Variants in ATG7 observed in about 807,000 individuals in gnomAD.
ATG7 encodes the protein autophagy related 7.
Under a neutral mutation model 82.4 loss-of-function variants are expected in ATG7, and 70 were observed. That is an observed-to-expected ratio of 0.85 (90% CI 0.70 to 1.04). The LOEUF is 1.04. Among genes scored for constraint, ATG7 ranks in the 50% least tolerant of loss-of-function variants. The probability of loss-of-function intolerance (pLI) is 0.00; values close to 1 mark genes in which losing one functional copy is unlikely to be tolerated. For synonymous variants in ATG7, 287 were observed against 313.0 expected, an observed-to-expected ratio of 0.92 and a Z score of 0.88; for missense variants, 792 against 864.3, an observed-to-expected ratio of 0.92 and a Z score of 1.05.
chr3:11,350,952 G>A (rs2606741), intron 14 of ATG7, among the ~76,000 whole-genome samples: 105,684 of 137,952 alleles, frequency 0.77, 40,933 homozygotes, highest in East Asian at 1. Flanking sequence ...AAAAAAAGCA[G>A]TGATCCAATC....
At chr3:11,477,178 C>G in intron 20 of ATG7, 1 of 1,289,494 alleles carries the variant, frequency 7.8e-7, no homozygotes, top group Non-Finnish European at 1.0e-6. Flanking sequence ...AGAGGCAGAA[C>G]ATAAACAAAT....
chr3:11,474,624 A>G (rs925523762), intron 20 of ATG7, among the ~76,000 whole-genome samples: 2 of 152,182 alleles, frequency 1.3e-5, no homozygotes, highest in African/African-American at 4.8e-5. Flanking sequence ...AGAAAGAAAG[A>G]AAACAGAGTG....
At chr3:11,425,734 A>G (rs1293741008) in intron 19 of ATG7, among the ~76,000 whole-genome samples, 4 of 152,224 alleles carry the variant, frequency 2.6e-5, no homozygotes, top group African/African-American at 7.2e-5. Flanking sequence ...TGAATTCTCA[A>G]GAAGTACACC....
At chr3:11,344,731 G>A (rs987136322) in intron 13 of ATG7, among the ~76,000 whole-genome samples, 4 of 152,104 alleles carry the variant, frequency 2.6e-5, no homozygotes, top group African/African-American at 9.7e-5. Flanking sequence ...TAGCCAGGCT[G>A]TAGTGGCGCG....
At chr3:11,432,340 A>G (rs938855375) in intron 20 of ATG7, among the ~76,000 whole-genome samples, 1 of 152,226 alleles carries the variant, frequency 6.6e-6, no homozygotes, top group African/African-American at 2.4e-5. Context: ...AAAAATTTTA[A>G]TGAGAAATGT....
chr3:11,527,071 G>GTGTA (rs1305045814), intron 20 of ATG7, among the ~76,000 whole-genome samples: 229 of 127,420 alleles, frequency 1.8e-3, no homozygotes, highest in African/African-American at 3.6e-3. Flanking sequence ...GTGTGTGTGT[G>GTGTA]TATATATATA....
At position 11,274,106 on chromosome 3, in the gene ATG7, T is replaced by C. The variant is rs73812420; in HGVS notation, c.-366+1676T>C. On this transcript the variant is annotated intron_variant, in intron 1 of 20. Coordinates refer to ENST00000693202, the MANE Select transcript of ATG7 (RefSeq NM_001349232.2). ...CTTGGCCAACTCCTTCCTGCCCTCA[T>C]GTGACATGATTTTGAAATCCTTTAA... 3.3e-3 allele frequency among the ~76,000 whole-genome samples: 509 copies of C among 152,262 alleles called. 2 individuals carry two copies. Among genetic ancestry groups the C allele is most frequent in the African/African-American group, 0.011 (443 of 41,562 alleles).
intron 20 of ATG7, among the ~76,000 whole-genome samples, chr3:11,520,811 TAAAG>T (rs1158338077): frequency 6.6e-5 from 10 of 152,138 alleles, no homozygotes; most frequent in African/African-American, 1.9e-4. Flanking sequence ...TTAATAATAA[TAAAG>T]AAAAAGTCAG....
the ATG7 span, among the ~76,000 whole-genome samples, chr3:11,566,422 C>T: frequency 6.6e-6 from 1 of 152,310 alleles, no homozygotes; most frequent in South Asian, 2.1e-4. Flanking sequence ...ATTCAGATTT[C>T]GTGTTTTGCT....
intron 18 of ATG7, 93 bp from the exon 19 acceptor site, chr3:11,379,875 TAATC>T: frequency 8.2e-7 from 1 of 1,213,452 alleles, no homozygotes; most frequent in Non-Finnish European, 1.2e-6. Context: ...GCCGCCATAT[TAATC>T]ATTTCCTACT....
chr3:11,502,966 GA>G (rs937455001), intron 20 of ATG7, among the ~76,000 whole-genome samples: 2 of 152,180 alleles, frequency 1.3e-5, no homozygotes, highest in African/African-American at 4.8e-5. Flanking sequence ...ACACCAGCCA[GA>G]GTTGAAAGTA....
At position 11,352,721 on chromosome 3, in the gene ATG7, G is replaced by A. The variant is rs549978539; in HGVS notation, c.1284+4686G>A. Among the ~76,000 whole-genome samples the A allele has an allele frequency of 3.7e-4, 56 of 152,340 alleles. No homozygotes were observed. The South Asian group carries it at 5.0e-3, about 14-fold the overall frequency. ...TTGAATTATAATTGAAATACTAAAT[G>A]CTAAAAGGGATAAGTAGACATTGCT... On this transcript the variant is annotated intron_variant, in intron 14 of 20. Transcript: ENST00000693202.
chr3:11,367,811 C>G (rs1310845215), intron 18 of ATG7, among the ~76,000 whole-genome samples: 1 of 148,714 alleles, frequency 6.7e-6, no homozygotes, highest in Non-Finnish European at 1.5e-5. Flanking sequence ...TTAGATTCTG[C>G]AAGCAGGCAG....
intron 20 of ATG7, among the ~76,000 whole-genome samples, chr3:11,461,968 T>G (rs2086350301): frequency 6.6e-6 from 1 of 151,812 alleles, no homozygotes; most frequent in Non-Finnish European, 1.5e-5. Flanking sequence ...GAGGCAGAGC[T>G]TGCAGTGAGC....
chr3:11,298,740 T>A lies in ATG7; in HGVS notation c.45T>A (p.Phe15Leu). ...ATCCTGGACTCTCTAAACTGCAGTTTGCCCCTTTTAGTAGTGCCTTGGATG... is the reference window on the plus strand; with the variant it reads ...ATCCTGGACTCTCTAAACTGCAGTTAGCCCCTTTTAGTAGTGCCTTGGATG... ...TGDPGLSKLQ[F>L]APFSSALDVG... Residue 15 changes from phenylalanine to leucine, a missense_variant, in exon 4 of 21, where the codon TTT becomes TTA. Coordinates refer to ENST00000693202, the MANE Select transcript of ATG7 (RefSeq NM_001349232.2). 1 of 1,614,242 alleles carries A rather than the reference T, an allele frequency of 6.2e-7. No individual in the cohort carries two copies. The highest frequency in any genetic ancestry group is 8.5e-7 in the Non-Finnish European group (1 of 1,180,040).
Position 11,275,073 on chromosome 3 carries a change from A to G in ATG7, c.-366+2643A>G, listed in dbSNP as rs1022233078. ...ATGAAGGCAGTGACAGTGGAGATGG[A>G]GAGGAGTGGGAGGAGTTGAGAGATT... On this transcript the variant is annotated intron_variant, in intron 1 of 20. Coordinates refer to ENST00000693202, the MANE Select transcript of ATG7 (RefSeq NM_001349232.2). Among the ~76,000 whole-genome samples the G allele has an allele frequency of 2.6e-5, 4 of 151,982 alleles. No individual in the cohort carries two copies. The South Asian group carries it at 8.3e-4, about 32-fold the overall frequency.
At chr3:11,444,132 A>G (rs2084286117) in intron 20 of ATG7, among the ~76,000 whole-genome samples, 1 of 152,140 alleles carries the variant, frequency 6.6e-6, no homozygotes, top group Middle Eastern at 3.2e-3. Context: ...AAGGTTACCC[A>G]TTTGCTGTGC....
At chr3:11,559,514 TG>T, downstream of ATG7, 1 of 1,483,014 alleles carries the variant, frequency 6.7e-7, no homozygotes, top group Admixed American at 2.3e-5. Flanking sequence ...GCACCACCCC[TG>T]GGGCCCTCCC....
downstream of ATG7, among the ~76,000 whole-genome samples, chr3:11,562,308 G>A (rs2073094334): frequency 6.6e-6 from 1 of 152,134 alleles, no homozygotes; most frequent in Non-Finnish European, 1.5e-5. Context: ...GAAATGGGGG[G>A]ACACTTTCTG....
Sources: gnomAD v4.1 joint callset for allele counts (sites outside exome capture counted in the v4.1 genomes callset) on GRCh38, gnomAD v4.1.1 for gene constraint, MANE v1.5 for transcripts, NCBI Gene and HGNC (gene_info 2026-07-23, HGNC 2026-07-21) for gene names.